The following TMX3 variants were observed in gnomAD, a reference collection of about 807,000 sequenced individuals.
TMX3 encodes thioredoxin related transmembrane protein 3, also known as protein disulfide-isomerase TMX3.
A neutral mutation model predicts 64.4 loss-of-function variants in TMX3; 40 were observed. The ratio of observed to expected loss-of-function variants is 0.62; its 90% CI spans 0.48 to 0.81. The LOEUF (loss-of-function observed/expected upper bound fraction) is 0.81. Among genes scored for constraint, TMX3 ranks in the 30% least tolerant of loss-of-function variants. TMX3 has a pLI of 0.00. For missense variants in TMX3, 497 were observed against 534.5 expected (o/e 0.93, Z 0.69); for synonymous variants, 189 against 175.7 (o/e 1.08, Z -0.60).
chr18:68,700,505 T>A lies in TMX3; in HGVS notation c.312-20A>T, dbSNP rs1410830576. 4.5e-5 allele frequency: 53 copies of A among 1,185,108 alleles called. No individual in the cohort carries two copies. The highest frequency in any genetic ancestry group is 2.0e-4 in the Middle Eastern group (1 of 4,954). 73.4% of individuals were successfully genotyped at this position (1,185,108 alleles called of 1,614,324 possible). A position where few individuals can be genotyped will look rare whatever the true frequency, so the allele number is the denominator to read the frequency against. Reference sequence around the variant, plus strand: ...TTTAATCTTTAAAAAAAAAAAAAAATTAAAACCTGGATTGTTCTAACAGTT... The same window carrying A: ...TTTAATCTTTAAAAAAAAAAAAAAAATAAAACCTGGATTGTTCTAACAGTT... On this transcript the variant is annotated intron_variant, in intron 5 of 15. Coordinates refer to ENST00000299608, the MANE Select transcript of TMX3 (RefSeq NM_019022.5).
intron 10 of TMX3, 67 bp downstream of exon 10, chr18:68,687,600 A>C (rs758961654): frequency 9.7e-6 from 15 of 1,544,840 alleles, no homozygotes; most frequent in Non-Finnish European, 1.3e-5. Flanking sequence ...TTCCTACAAA[A>C]TAAGATTTTT....
intron 6 of TMX3, among the ~76,000 whole-genome samples, 154 bp downstream of exon 6, chr18:68,700,251 C>T (rs748848870): frequency 9.2e-5 from 14 of 152,112 alleles, no homozygotes; most frequent in Middle Eastern, 3.4e-3. Flanking sequence ...TCTTTGGATA[C>T]GCTGTATAAT....
In TMX3 at chr18:68,701,903, C is replaced by T. The variant is rs1022724830; in HGVS notation, c.266-113G>A. ...GATATTTATACAACCCATATAGATACGTTGTTTTTAAGTCTTAAGATTATA... is the reference window on the plus strand; with the variant it reads ...GATATTTATACAACCCATATAGATATGTTGTTTTTAAGTCTTAAGATTATA... On this transcript the variant is annotated intron_variant, in intron 4 of 15. Coordinates refer to ENST00000299608, the MANE Select transcript of TMX3 (RefSeq NM_019022.5). 27 of 758,224 alleles carry T rather than the reference C, an allele frequency of 3.6e-5. 1 individual carries two copies. Among genetic ancestry groups the T allele is most frequent in the South Asian group, 1.9e-4 (10 of 51,434 alleles). The allele number at this position is 758,224 out of a possible 1,614,324, so 47.0% of individuals were successfully genotyped here. A position where few individuals can be genotyped will look rare whatever the true frequency, so the allele number is the denominator to read the frequency against.
rs535652646 is a variant in TMX3 at position 68,691,832 on chromosome 18, T to C, written c.571-471A>G. Among the ~76,000 whole-genome samples the C allele has an allele frequency of 2.4e-3, 368 of 152,328 alleles. 1 individual carries two copies. Among genetic ancestry groups the C allele is most frequent in the African/African-American group, 8.7e-3 (361 of 41,582 alleles). Reference sequence around the variant, plus strand: ...AAACTGCTTTATAAGCCACTTACAGTAGTAATAAGGGATCATTCAGAAAGT... The same window carrying C: ...AAACTGCTTTATAAGCCACTTACAGCAGTAATAAGGGATCATTCAGAAAGT... On this transcript the variant is annotated intron_variant, in intron 8 of 15. Coordinates refer to ENST00000299608, the MANE Select transcript of TMX3 (RefSeq NM_019022.5).
At chr18:68,687,889 T>C in intron 9 of TMX3, 124 bp from the exon 10 acceptor site, 1 of 607,786 alleles carries the variant, frequency 1.6e-6, no homozygotes, top group Non-Finnish European at 2.6e-6. Flanking sequence ...AATATTGTTT[T>C]TAGGAATTTA....
chr18:68,681,660 TCTTA>T (rs1913448218), intron 13 of TMX3: 3 of 984,316 alleles, frequency 3.0e-6, no homozygotes, highest in African/African-American at 3.5e-5. Context: ...CGCTCAGTGT[TCTTA>T]CTTAGAAAAT....
chr18:68,677,083 A>G lies in TMX3; in HGVS notation c.1215T>C (p.Tyr405=). ...TAGACACTTCATATCGTTCTTCTATATAACCTCCATCTGTGTCGGCTGTGT... is the reference window on the plus strand; with the variant it reads ...TAGACACTTCATATCGTTCTTCTATGTAACCTCCATCTGTGTCGGCTGTGT... ...GIYTADTDGG[Y]IEERYEVSKS... The change falls in exon 16 of 16, where the codon TAT becomes TAC. Residue 405 remains tyrosine, a synonymous_variant. Coordinates refer to ENST00000299608, the MANE Select transcript of TMX3 (RefSeq NM_019022.5). The G allele has an allele frequency of 6.2e-7, 1 of 1,613,834 alleles. No individual in the cohort carries two copies. The highest frequency in any genetic ancestry group is 8.5e-7 in the Non-Finnish European group (1 of 1,179,786).
intron 14 of TMX3, 125 bp downstream of exon 14, chr18:68,680,856 G>C (rs1472106001): frequency 7.3e-6 from 6 of 820,664 alleles, no homozygotes; most frequent in Non-Finnish European, 8.8e-6. Flanking sequence ...GCAATGTATG[G>C]AGGTCCAGCC....
intron 12 of TMX3, among the ~76,000 whole-genome samples, chr18:68,683,344 T>C (rs1475602006): frequency 2.0e-5 from 3 of 152,128 alleles, no homozygotes; most frequent in African/African-American, 4.8e-5. Flanking sequence ...ACATACTATG[T>C]AAGAAAACTA....
Position 68,677,085 on chromosome 18 carries a change from A to G in TMX3, c.1213T>C (p.Tyr405His), listed in dbSNP as rs543028771. ...GIYTADTDGG[Y>H]IEERYEVSKS... ...GACACTTCATATCGTTCTTCTATAT[A>G]ACCTCCATCTGTGTCGGCTGTGTAG... Residue 405 changes from tyrosine (Y) to histidine (H), a missense_variant, in exon 16 of 16, where the codon TAT becomes CAT. By Grantham distance (83) the Tyr-to-His change is moderately conservative. Transcript: ENST00000299608. 1 of 1,613,796 alleles carries G rather than the reference A, an allele frequency of 6.2e-7. No homozygotes were observed. The highest frequency in any genetic ancestry group is 1.1e-5 in the South Asian group (1 of 91,074).
At chr18:68,712,479 T>C (rs941383314) in intron 2 of TMX3, among the ~76,000 whole-genome samples, 1 of 152,158 alleles carries the variant, frequency 6.6e-6, no homozygotes, top group Non-Finnish European at 1.5e-5. Flanking sequence ...AGGCAACTGG[T>C]TGCACATCTG....
intron 4 of TMX3, among the ~76,000 whole-genome samples, chr18:68,705,203 A>G (rs1252706375): frequency 1.3e-5 from 2 of 152,164 alleles, no homozygotes; most frequent in Non-Finnish European, 2.9e-5. Flanking sequence ...CACAATGCAC[A>G]GGATTCCTCC....
At chr18:68,681,777 G>A (rs1482668348) in intron 13 of TMX3, among the ~76,000 whole-genome samples, 2 of 152,164 alleles carry the variant, frequency 1.3e-5, no homozygotes, top group Non-Finnish European at 2.9e-5. Flanking sequence ...ACAGCATCAT[G>A]TTGTTGAGCT....
In TMX3 at chr18:68,713,490, G is replaced by A. The variant is rs560607866; in HGVS notation, c.101+356C>T. On this transcript the variant is annotated intron_variant, in intron 2 of 15. Coordinates refer to ENST00000299608, the MANE Select transcript of TMX3 (RefSeq NM_019022.5). ...ACACACAGGAATTTGGGTCTGAAGT[G>A]AACCTCCTCACTTACTATAAGCAAG... 1.6e-4 allele frequency among the ~76,000 whole-genome samples: 24 copies of A among 152,280 alleles called. No homozygotes were observed. In the South Asian group the frequency reaches 4.8e-3, roughly 30 times the overall value.
In TMX3 at chr18:68,714,854, C is replaced by G. The variant is rs899949219; in HGVS notation, c.46+82G>C. On this transcript the variant is annotated intron_variant, in intron 1 of 15. Transcript: ENST00000299608. ...TCCACGAACCCCGCAGGCCTCGCCCCAGACCCGGGTCCAATCCCGGCCCCA... is the reference window on the plus strand; with the variant it reads ...TCCACGAACCCCGCAGGCCTCGCCCGAGACCCGGGTCCAATCCCGGCCCCA... 28 of 1,536,730 alleles carry G rather than the reference C, an allele frequency of 1.8e-5. No individual in the cohort carries two copies. The South Asian group carries it at 2.6e-4, about 14-fold the overall frequency.
chr18:68,710,103 T>C lies in TMX3; in HGVS notation c.183A>G (p.Pro61=), dbSNP rs1218769458. The C allele has an allele frequency of 2.5e-6, 4 of 1,601,664 alleles. No homozygotes were observed. Among genetic ancestry groups the C allele is most frequent in the Non-Finnish European group, 3.4e-6 (4 of 1,174,680 alleles). ...TCTCAAGACCAACTTCATTCCAAAT[T>C]GGTTCCAGCTTTTTACAATGGCCAC... ...PWCGHCKKLE[P]IWNEVGLEMK... is the part of the protein sequence containing the mutation. Residue 61 remains proline, a synonymous_variant, in exon 4 of 16, where the codon CCA becomes CCG. Transcript: ENST00000299608.
chr18:68,701,625 G>A, intron 5 of TMX3, 120 bp downstream of exon 5: 1 of 1,541,586 alleles, frequency 6.5e-7, no homozygotes, highest in Non-Finnish European at 8.8e-7. Flanking sequence ...CTTCACCTAT[G>A]AAGAATGGCC....
chr18:68,678,189 C>A (rs976756650), intron 15 of TMX3, among the ~76,000 whole-genome samples: 6 of 151,964 alleles, frequency 3.9e-5, no homozygotes, highest in Non-Finnish European at 5.9e-5. Context: ...GTAAAGCAAA[C>A]TGAAGAATAC....
chr18:68,684,861 T>G (rs1913792126), intron 10 of TMX3, among the ~76,000 whole-genome samples: 1 of 152,158 alleles, frequency 6.6e-6, no homozygotes, highest in Non-Finnish European at 1.5e-5. Flanking sequence ...AGGAAATAAG[T>G]TGATTAAAAG....
Sources: gnomAD v4.1 joint callset for allele counts (sites outside exome capture counted in the v4.1 genomes callset) on GRCh38, gnomAD v4.1.1 for gene constraint, MANE v1.5 for transcripts, NCBI Gene and HGNC (gene_info 2026-07-23, HGNC 2026-07-21) for gene names.